The following RIN3 variants were observed in gnomAD, a reference collection of about 807,000 sequenced individuals.
The protein encoded by RIN3 is Ras and Rab interactor 3, also known as RAB5 interacting protein 3.
Under a neutral mutation model 76.3 loss-of-function variants are expected in RIN3, and 54 were observed. The ratio of observed to expected loss-of-function variants is 0.71; its 90% CI spans 0.57 to 0.89. RIN3 has a LOEUF of 0.89. Among genes scored for constraint, RIN3 ranks in the 40% least tolerant of loss-of-function variants. RIN3 has a pLI of 0.00. For missense variants in RIN3, 1,256 were observed against 1,322.1 expected (o/e 0.95, Z 0.78); for synonymous variants, 576 against 564.0 (o/e 1.02, Z -0.30).
At chr14:92,571,030 G>T (rs374722417) in intron 2 of RIN3, among the ~76,000 whole-genome samples, 3 of 152,250 alleles carry the variant, frequency 2.0e-5, no homozygotes, top group African/African-American at 7.2e-5. Context: ...TAAACAGACT[G>T]TAAAATACTC....
chr14:92,538,277 C>T (rs550129791), intron 1 of RIN3, among the ~76,000 whole-genome samples: 109 of 152,294 alleles, frequency 7.2e-4, no homozygotes, highest in African/African-American at 1.8e-3. Context: ...CCCTTAGGGA[C>T]GATTTTTAAT....
intron 1 of RIN3, among the ~76,000 whole-genome samples, chr14:92,551,415 G>GTATGCAGGTC (rs1897422826): frequency 1.3e-5 from 2 of 152,162 alleles, no homozygotes; most frequent in South Asian, 4.1e-4. Flanking sequence ...TTTGACATTC[G>GTATGCAGGTC]TATGCAGGTC....
intron 2 of RIN3, among the ~76,000 whole-genome samples, chr14:92,567,329 G>T (rs1897940424): frequency 6.6e-6 from 1 of 152,184 alleles, no homozygotes; most frequent in Non-Finnish European, 1.5e-5. Flanking sequence ...TTTTATATTT[G>T]CTCACAATTC....
Position 92,652,856 on chromosome 14 carries a change from A to G in RIN3, c.1807A>G (p.Lys603Glu), listed in dbSNP as rs1887520110. 2 of 1,613,932 alleles carry G rather than the reference A, an allele frequency of 1.2e-6. No homozygotes were observed. The highest frequency in any genetic ancestry group is 1.7e-6 in the Non-Finnish European group (2 of 1,180,032). The change falls in exon 6 of 10, where the codon AAG becomes GAG. Residue 603 changes from lysine to glutamate, a missense_variant. By Grantham distance (56) the Lys-to-Glu change is moderately conservative (BLOSUM62 1). This residue lies in a region of RIN3 where 428 missense variants were observed against 521.2 expected (regional missense o/e 0.82). Coordinates refer to ENST00000216487, the MANE Select transcript of RIN3 (RefSeq NM_024832.5). This position sits in a 1 kb window ranked among gnomAD's most constrained non-coding sequence, Gnocchi z 6.4. ...CCTCTCCAACAACCGCAAGCTGTAC[A>G]AGAAGGTGGTGGAGCTGGCGCAGGA... ...AFLSNNRKLYKKVVELAQDKG... is the reference protein window; with the variant it reads ...AFLSNNRKLYEKVVELAQDKG...
intron 4 of RIN3, among the ~76,000 whole-genome samples, chr14:92,632,370 C>T (rs1471145514): frequency 6.6e-6 from 1 of 152,228 alleles, no homozygotes; most frequent in East Asian, 1.9e-4. Context: ...AGAGCTCCCT[C>T]TAACCGCTAC....
intron 7 of RIN3, among the ~76,000 whole-genome samples, chr14:92,665,887 A>C (rs1181719314): frequency 1.3e-5 from 2 of 152,108 alleles, no homozygotes; most frequent in Non-Finnish European, 1.5e-5. Context: ...CCAGCATTCA[A>C]TCATACCTTC....
intron 7 of RIN3, among the ~76,000 whole-genome samples, chr14:92,663,201 G>T (rs1887952422): frequency 3.3e-5 from 5 of 152,210 alleles, no homozygotes; most frequent in Admixed American, 2.0e-4. Flanking sequence ...AATGACTAAA[G>T]CTAGCGTCAT....
At chr14:92,618,171 G>T (rs1324229180) in intron 4 of RIN3, among the ~76,000 whole-genome samples, 1 of 152,154 alleles carries the variant, frequency 6.6e-6, no homozygotes, top group East Asian at 1.9e-4. Flanking sequence ...AAGGCTGGCT[G>T]CAAACTCCTG....
chr14:92,565,409 C>T (rs1009422919), intron 2 of RIN3, among the ~76,000 whole-genome samples: 4 of 152,104 alleles, frequency 2.6e-5, no homozygotes, highest in Non-Finnish European at 5.9e-5. Context: ...GGGGCAAGTC[C>T]ACAAAGTAAA....
At chr14:92,544,428 G>GT (rs1897204215) in intron 1 of RIN3, among the ~76,000 whole-genome samples, 1 of 94,268 alleles carries the variant, frequency 1.1e-5, no homozygotes, top group Non-Finnish European at 2.2e-5. Context: ...GGGGGGGGGG[G>GT]GGTGGGGGCG....
At chr14:92,530,115 G>A (rs542625340) in intron 1 of RIN3, among the ~76,000 whole-genome samples, 266 of 152,288 alleles carry the variant, frequency 1.7e-3, no homozygotes, top group Non-Finnish European at 2.8e-3. Flanking sequence ...TATCTTCCTC[G>A]TGTAGATAAA....
intron 1 of RIN3, among the ~76,000 whole-genome samples, chr14:92,550,182 A>G (rs1250777242): frequency 6.6e-6 from 1 of 152,158 alleles, no homozygotes; most frequent in Non-Finnish European, 1.5e-5. Flanking sequence ...CACTTCAATC[A>G]AATGTGCCTA....
At position 92,549,428 on chromosome 14, in the gene RIN3, C is replaced by T. The variant is rs923182157; in HGVS notation, c.45-6323C>T. ...GAAGCTGGGAAACTTCTGCGCCTTC[C>T]CCCTACCCCTAATAGGCAGCATCTA... On this transcript the variant is annotated intron_variant, in intron 1 of 9. Coordinates refer to ENST00000216487, the MANE Select transcript of RIN3 (RefSeq NM_024832.5). 5.3e-5 allele frequency among the ~76,000 whole-genome samples: 8 copies of T among 152,210 alleles called. No homozygotes were observed. In the East Asian group the frequency reaches 1.3e-3, roughly 26 times the overall value.
At chr14:92,591,447 C>A (rs1884976929) in intron 3 of RIN3, among the ~76,000 whole-genome samples, 1 of 151,874 alleles carries the variant, frequency 6.6e-6, no homozygotes, top group Non-Finnish European at 1.5e-5. Flanking sequence ...TGAGAACTTC[C>A]TCAAATTAAT....
Position 92,568,759 on chromosome 14 carries a change from A to G in RIN3, c.250-8601A>G, listed in dbSNP as rs1897982368. On this transcript the variant is annotated intron_variant, in intron 2 of 9. Transcript: ENST00000216487. The surrounding 1 kb of genome is among the most constrained non-coding windows in gnomAD (Gnocchi z 4.2). ...CTCTGCCCCAGGCCAGCGCCTTATC[A>G]TGGTTTTTAGTCAGAAGACAAGAGC... Among the ~76,000 whole-genome samples, 1 of 152,212 alleles carries G rather than the reference A, an allele frequency of 6.6e-6. No individual in the cohort carries two copies. The highest frequency in any genetic ancestry group is 1.5e-5 in the Non-Finnish European group (1 of 68,026).
At chr14:92,549,754 G>T (rs576562217) in intron 1 of RIN3, among the ~76,000 whole-genome samples, 6 of 152,382 alleles carry the variant, frequency 3.9e-5, no homozygotes, top group Non-Finnish European at 8.8e-5. Flanking sequence ...GGCGTTCTGG[G>T]TGGGTGTCCG....
At position 92,648,536 on chromosome 14, in the gene RIN3, G is replaced by A. The variant is rs917347407; in HGVS notation, c.533-3046G>A. Among the ~76,000 whole-genome samples, 1 of 152,172 alleles carries A rather than the reference G, an allele frequency of 6.6e-6. No homozygotes were observed. The highest frequency in any genetic ancestry group is 1.5e-5 in the Non-Finnish European group (1 of 68,042). ...TTCAGGTTGTCCCCATCTTGCCCTTGAAACTAACCTTGCCTGTGTCCCCTT... is the reference window on the plus strand; with the variant it reads ...TTCAGGTTGTCCCCATCTTGCCCTTAAAACTAACCTTGCCTGTGTCCCCTT... On this transcript the variant is annotated intron_variant, in intron 5 of 9. Coordinates refer to ENST00000216487, the MANE Select transcript of RIN3 (RefSeq NM_024832.5). The surrounding 1 kb of genome is among the most constrained non-coding windows in gnomAD (Gnocchi z 4.1).
At chr14:92,626,919 A>G (rs1886379395) in intron 4 of RIN3, among the ~76,000 whole-genome samples, 1 of 152,202 alleles carries the variant, frequency 6.6e-6, no homozygotes. Context: ...GACTTTTGTC[A>G]TTCACATACT....
intron 3 of RIN3, among the ~76,000 whole-genome samples, chr14:92,609,501 G>A (rs1186753717): frequency 2.0e-5 from 3 of 152,190 alleles, no homozygotes; most frequent in Admixed American, 6.5e-5. Context: ...TGTACTCAGC[G>A]TGACAAGTCT....
Sources: allele counts gnomAD v4.1 joint callset (sites outside exome capture counted in the v4.1 genomes callset), GRCh38; gene constraint gnomAD v4.1.1; regional missense constraint gnomAD v4.1.1; non-coding constraint Gnocchi (gnomAD v3.1); transcripts MANE v1.5; gene names NCBI Gene and HGNC (gene_info 2026-07-23, HGNC 2026-07-21).